The following ANXA8 variants were observed in gnomAD, a reference collection of about 807,000 sequenced individuals.
ANXA8 encodes annexin A8, also known as VAC-beta.
Under a neutral mutation model 26.8 loss-of-function variants are expected in ANXA8, and 9 were observed. That is an observed-to-expected ratio of 0.34 (90% CI 0.20 to 0.59). ANXA8 has a LOEUF of 0.59. ANXA8 is among the 20% of genes least tolerant of loss of function. ANXA8 has a pLI of 0.84. For synonymous variants in ANXA8, 39 were observed against 94.8 expected (o/e 0.41, Z 3.42); for missense variants, 83 against 238.5 (o/e 0.35, Z 4.29).
chr10:47,659,905 C>T, the ANXA8 span, among the ~76,000 whole-genome samples: 17 of 151,348 alleles, frequency 1.1e-4, no homozygotes, highest in African/African-American at 4.2e-4. Flanking sequence ...TAGAGGTGTG[C>T]TCCACTATGC....
chr10:47,737,313 A>G, the ANXA8 span, among the ~76,000 whole-genome samples: 1 of 151,650 alleles, frequency 6.6e-6, no homozygotes, highest in Non-Finnish European at 1.5e-5. Context: ...TGATTGTTAT[A>G]TTTGTATTTA....
the ANXA8 span, among the ~76,000 whole-genome samples, chr10:47,744,216 A>G: frequency 6.7e-6 from 1 of 148,976 alleles, no homozygotes; most frequent in African/African-American, 2.5e-5. Context: ...GGCTGCGGGA[A>G]TGTTGCGGCC....
chr10:47,986,637 C>T, the ANXA8 span: 15 of 366,216 alleles, frequency 4.1e-5, no homozygotes, highest in Admixed American at 3.9e-4. Context: ...GACTGCTCAG[C>T]TGTTGAGAAC....
chr10:47,564,993 A>G, the ANXA8 span: 1 of 1,044,168 alleles, frequency 9.6e-7, no homozygotes, highest in South Asian at 1.3e-5. Context: ...GTCATCGTCC[A>G]CCGTCTGGCC....
At chr10:47,551,151 A>G in the ANXA8 span, among the ~76,000 whole-genome samples, 5 of 151,934 alleles carry the variant, frequency 3.3e-5, no homozygotes. Flanking sequence ...TTTTTTAAAA[A>G]CCAAAAGGTA....
the ANXA8 span, chr10:47,502,142 C>T: frequency 3.4e-5 from 53 of 1,570,402 alleles, 2 homozygotes; most frequent in Middle Eastern, 9.3e-4. Flanking sequence ...GGAGGCCTGC[C>T]GGGCGTAGGT....
At chr10:47,495,222 T>C in the ANXA8 span, among the ~76,000 whole-genome samples, 13 of 148,950 alleles carry the variant, frequency 8.7e-5, no homozygotes, top group South Asian at 1.9e-3. Context: ...TCCAGCTCAC[T>C]CTGCGGGATT....
chr10:47,733,219 TTC>T, the ANXA8 span, among the ~76,000 whole-genome samples: 1,039 of 67,270 alleles, frequency 0.015, 16 homozygotes, highest in African/African-American at 0.022. Context: ...CTTTCTTTCT[TTC>T]TCTTTCTTTC....
At chr10:47,990,915 T>G in the ANXA8 span, among the ~76,000 whole-genome samples, 1 of 151,076 alleles carries the variant, frequency 6.6e-6, no homozygotes, top group East Asian at 2.0e-4. Flanking sequence ...AACCCATCAG[T>G]TCTGCTGGGC....
the ANXA8 span, among the ~76,000 whole-genome samples, chr10:47,597,203 C>T: frequency 6.7e-6 from 1 of 149,044 alleles, no homozygotes; most frequent in East Asian, 1.9e-4. Context: ...TTGATAAAGT[C>T]CAACATGCCT....
the ANXA8 span, among the ~76,000 whole-genome samples, chr10:47,682,258 G>A: frequency 7.2e-6 from 1 of 138,966 alleles, no homozygotes; most frequent in East Asian, 2.1e-4. Flanking sequence ...TTTAGATAAA[G>A]TGTATTAGAA....
At chr10:47,598,923 TGAATA>T in the ANXA8 span, among the ~76,000 whole-genome samples, 1 of 95,290 alleles carries the variant, frequency 1.0e-5, no homozygotes, top group African/African-American at 3.3e-5. Flanking sequence ...ATGATTTCCA[TGAATA>T]AAACGGTAGA....
the ANXA8 span, among the ~76,000 whole-genome samples, chr10:47,511,441 G>C: frequency 3.4e-4 from 45 of 132,448 alleles, 2 homozygotes; most frequent in South Asian, 0.011. Context: ...CCACCAACAA[G>C]TGAGGAAGCC....
the ANXA8 span, chr10:47,490,485 AT>A: frequency 6.5e-6 from 1 of 152,822 alleles, no homozygotes; most frequent in African/African-American, 2.4e-5. Context: ...CACGCTATTT[AT>A]TGGTGATCTA....
chr10:47,507,658 G>A, the ANXA8 span: 18 of 1,513,424 alleles, frequency 1.2e-5, 3 homozygotes, highest in South Asian at 1.9e-4. Context: ...TAAAAGGGGG[G>A]CAGAGGAAAC....
At chr10:47,769,680 T>TA in the ANXA8 span, among the ~76,000 whole-genome samples, 17 of 152,120 alleles carry the variant, frequency 1.1e-4, no homozygotes, top group Non-Finnish European at 2.2e-4. Context: ...TTCACTTCCA[T>TA]AAAAAAATCA....
At chr10:47,521,735 C>T in the ANXA8 span, among the ~76,000 whole-genome samples, 1 of 151,160 alleles carries the variant, frequency 6.6e-6, no homozygotes, top group South Asian at 2.1e-4. Context: ...TACCGGCTCC[C>T]ATCCCCTGCC....
At chr10:47,686,391 G>A in the ANXA8 span, among the ~76,000 whole-genome samples, 6 of 151,416 alleles carry the variant, frequency 4.0e-5, no homozygotes, top group African/African-American at 7.3e-5. Flanking sequence ...GCTAATTTTC[G>A]TATTTTTATG....
the ANXA8 span, among the ~76,000 whole-genome samples, chr10:47,509,034 A>G: frequency 3.0e-5 from 4 of 135,356 alleles, no homozygotes; most frequent in Non-Finnish European, 4.6e-5. Context: ...TAGTGAATAC[A>G]CCAAATGATT....
Sources: gnomAD v4.1 joint callset for allele counts (sites outside exome capture counted in the v4.1 genomes callset) on GRCh38, gnomAD v4.1.1 for gene constraint, MANE v1.5 for transcripts, NCBI Gene and HGNC (gene_info 2026-07-23, HGNC 2026-07-21) for gene names.